Variants in ACOXL observed in about 807,000 individuals in gnomAD.
The protein encoded by ACOXL is acyl-coenzyme A oxidase-like protein.
Under a neutral mutation model 71.9 loss-of-function variants are expected in ACOXL, and 70 were observed. That is an observed-to-expected ratio of 0.97 (90% confidence interval 0.80 to 1.19). The LOEUF (loss-of-function observed/expected upper bound fraction) is 1.19. Ranked by LOEUF, ACOXL falls within the 50% of genes most tolerant of loss-of-function variation. The probability of loss-of-function intolerance (pLI) is 0.00; values close to 1 mark genes in which losing one functional copy is unlikely to be tolerated. For synonymous variants in ACOXL, 253 were observed against 281.6 expected (o/e 0.90, Z 1.02); for missense variants, 703 against 736.3 (o/e 0.95, Z 0.52).
At chr2:111,042,498 T>C (rs564629802) in intron 15 of ACOXL, among the ~76,000 whole-genome samples, 6 of 152,268 alleles carry the variant, frequency 3.9e-5, no homozygotes, top group African/African-American at 1.4e-4. Context: ...GGGACGTGGC[T>C]CTGCAGGATG....
chr2:111,118,445 C>A lies in ACOXL; in HGVS notation c.*629C>A, dbSNP rs768884096. 2.0e-5 allele frequency among the ~76,000 whole-genome samples: 3 copies of A among 152,180 alleles called. No individual in the cohort carries two copies. The highest frequency in any genetic ancestry group is 4.4e-5 in the Non-Finnish European group (3 of 68,044). On this transcript the variant is annotated 3_prime_UTR_variant, in exon 18 of 18. Transcript: ENST00000439055. ...TCCTCCCAGGCCGGCGGTTTCCGTA[C>A]GGCAAGACAAGGCGCGGAAAACATT... is the stretch of plus-strand genomic sequence containing the variant.
chr2:110,914,766 A>G (rs546299395), intron 11 of ACOXL, among the ~76,000 whole-genome samples: 42 of 152,282 alleles, frequency 2.8e-4, no homozygotes, highest in African/African-American at 9.9e-4. Context: ...TCAGGTGAAA[A>G]TGCGTTCAGT....
chr2:111,091,178 C>T (rs1016112669), intron 16 of ACOXL, among the ~76,000 whole-genome samples: 13 of 152,162 alleles, frequency 8.5e-5, no homozygotes, highest in African/African-American at 2.9e-4. Flanking sequence ...CCACTCCCTG[C>T]CCTCTACCCT....
At chr2:110,818,405 A>C (rs1170280839) in intron 9 of ACOXL, among the ~76,000 whole-genome samples, 5 of 148,508 alleles carry the variant, frequency 3.4e-5, no homozygotes, top group Non-Finnish European at 5.9e-5. Flanking sequence ...AAAAAAAAAA[A>C]AAAACATATA....
chr2:111,069,219 T>C (rs2067223006), intron 16 of ACOXL, among the ~76,000 whole-genome samples: 1 of 151,708 alleles, frequency 6.6e-6, no homozygotes, highest in Non-Finnish European at 1.5e-5. Context: ...TGGCGGGATC[T>C]TGACTCACTG....
intron 2 of ACOXL, among the ~76,000 whole-genome samples, chr2:110,783,562 T>C (rs1259592985): frequency 6.6e-6 from 1 of 152,126 alleles, no homozygotes; most frequent in African/African-American, 2.4e-5. Context: ...TGAAAGTCAT[T>C]CAAGGAAGGT....
rs776875130 is a variant in ACOXL, at chr2:110,805,272, C to T, written c.630C>T (p.Ser210=). Residue 210 remains serine, a synonymous_variant, in exon 9 of 18, where the codon TCC becomes TCT. Coordinates refer to ENST00000439055, the MANE Select transcript of ACOXL (RefSeq NM_001142807.4). The part of the protein sequence containing the change: ...PRENLLDKFG[S]VAPDGQYHSP... The stretch of plus-strand genomic sequence containing the variant: ...CCTCTCTTTTCCACAGGTTTGGTTC[C>T]GTGGCTCCAGATGGACAGTACCATT... 4.8e-5 allele frequency: 77 copies of T among 1,614,004 alleles called. No individual in the cohort carries two copies. Among genetic ancestry groups the T allele is most frequent in the Admixed American group, 8.3e-5 (5 of 60,000 alleles).
At chr2:111,090,573 G>A (rs1389759449) in intron 16 of ACOXL, among the ~76,000 whole-genome samples, 1 of 152,202 alleles carries the variant, frequency 6.6e-6, no homozygotes, top group Non-Finnish European at 1.5e-5. Context: ...GTACACAAAA[G>A]CCACAGACTG....
At chr2:110,768,950 C>G (rs1007287750) in intron 2 of ACOXL, among the ~76,000 whole-genome samples, 4 of 151,670 alleles carry the variant, frequency 2.6e-5, no homozygotes, top group East Asian at 3.9e-4. Context: ...CTTTTCTGCC[C>G]CACTCCCACT....
chr2:110,733,803 C>T (rs1261721350), intron 1 of ACOXL, among the ~76,000 whole-genome samples: 1 of 152,196 alleles, frequency 6.6e-6, no homozygotes, highest in East Asian at 1.9e-4. Context: ...CTTTCCCTCT[C>T]TCTCATACAT....
chr2:110,945,225 C>T (rs2061051008), intron 12 of ACOXL, among the ~76,000 whole-genome samples: 2 of 152,032 alleles, frequency 1.3e-5, no homozygotes, highest in South Asian at 4.1e-4. Flanking sequence ...TGTTTAAGTT[C>T]CTTCTGGATG....
At chr2:111,062,061 A>G (rs2066843994) in intron 16 of ACOXL, among the ~76,000 whole-genome samples, 1 of 152,082 alleles carries the variant, frequency 6.6e-6, no homozygotes, top group Non-Finnish European at 1.5e-5. Flanking sequence ...GAGTGGATTA[A>G]AAAACATGAA....
intron 7 of ACOXL, among the ~76,000 whole-genome samples, chr2:110,801,187 AT>A (rs769213171): frequency 1.1e-4 from 17 of 152,172 alleles, no homozygotes; most frequent in Non-Finnish European, 1.8e-4. Flanking sequence ...TCTTGTAGGC[AT>A]TTGCTGTCAA....
At chr2:110,806,796 A>G (rs1429991893) in intron 9 of ACOXL, among the ~76,000 whole-genome samples, 3 of 152,014 alleles carry the variant, frequency 2.0e-5, no homozygotes, top group Non-Finnish European at 4.4e-5. Flanking sequence ...GCTGGTTTTG[A>G]TGGGGTGATG....
chr2:110,885,715 C>A (rs10184452), intron 10 of ACOXL, among the ~76,000 whole-genome samples: 48,986 of 151,906 alleles, frequency 0.32, 8,153 homozygotes, highest in Middle Eastern at 0.4. Context: ...CCTTTTTATA[C>A]CTCTGTATTT....
At chr2:110,985,251 A>C (rs1022160379) in intron 12 of ACOXL, among the ~76,000 whole-genome samples, 1 of 152,172 alleles carries the variant, frequency 6.6e-6, no homozygotes, top group Non-Finnish European at 1.5e-5. Context: ...TGATTCTCAC[A>C]CTTACTTTGT....
chr2:111,041,307 C>G (rs2065770064), intron 15 of ACOXL, among the ~76,000 whole-genome samples: 1 of 152,140 alleles, frequency 6.6e-6, no homozygotes. Context: ...AAAACAGGAT[C>G]AATGCCACGC....
At chr2:111,114,360 A>G (rs1250325529) in intron 17 of ACOXL, 1 of 152,316 alleles carries the variant, frequency 6.6e-6, no homozygotes, top group African/African-American at 2.4e-5. Flanking sequence ...AAGCTTCTTA[A>G]GGCCTAAACT....
At chr2:110,733,731 G>C (rs573741730) in intron 1 of ACOXL, among the ~76,000 whole-genome samples, 2 of 152,260 alleles carry the variant, frequency 1.3e-5, no homozygotes, top group African/African-American at 2.4e-5. Context: ...GGGGGCGTTT[G>C]AAAGTTGAAA....
Sources: allele counts gnomAD v4.1 joint callset (sites outside exome capture counted in the v4.1 genomes callset), GRCh38; gene constraint gnomAD v4.1.1; transcripts MANE v1.5; gene names NCBI Gene and HGNC (gene_info 2026-07-23, HGNC 2026-07-21).